NTAN1: variants seen among roughly 807,000 people sequenced by gnomAD.
NTAN1 encodes the protein protein N-terminal asparagine amidohydrolase.
In NTAN1, 32 loss-of-function variants were observed where a neutral mutation model predicts 41.9. The observed-to-expected ratio is 0.76, with a 90% CI of 0.58 to 1.03. NTAN1 has a LOEUF of 1.03. Among genes scored for constraint, NTAN1 ranks in the 50% least tolerant of loss-of-function variants. The pLI is 0.00. For synonymous variants in NTAN1, 140 were observed against 139.5 expected, an observed-to-expected ratio of 1.00 and a Z score of -0.03; for missense variants, 377 against 377.5, an observed-to-expected ratio of 1.00 and a Z score of 0.01.
intron 3 of NTAN1, 150 bp from the exon 4 acceptor site, chr16:15,047,700 C>G (rs2044131669): frequency 3.4e-6 from 3 of 895,460 alleles, no homozygotes; most frequent in Non-Finnish European, 5.6e-6. Flanking sequence ...CCAACCCATT[C>G]TGACCAGGAC....
intron 7 of NTAN1, 167 bp from the exon 8 acceptor site, chr16:15,040,233 A>G: frequency 2.3e-6 from 1 of 433,122 alleles, no homozygotes; most frequent in South Asian, 6.0e-5. Flanking sequence ...TGCAACCTTT[A>G]CCCCAAGCAT....
chr16:15,053,651 C>T (rs994781410), intron 1 of NTAN1, among the ~76,000 whole-genome samples: 2 of 152,054 alleles, frequency 1.3e-5, no homozygotes, highest in African/African-American at 2.4e-5. Flanking sequence ...TGGCTCACAC[C>T]GGTAATCCCA....
rs575519826 is a variant in NTAN1 at position 15,054,870 on chromosome 16, C to T, written c.81+1021G>A. 9.2e-5 allele frequency among the ~76,000 whole-genome samples: 14 copies of T among 152,324 alleles called. No individual in the cohort carries two copies. The South Asian group carries it at 2.3e-3, about 25-fold the overall frequency. ...GCAAACAAAATAATCACAAACTGTA[C>T]AGCTGTGACAGATGAAACCTCTAAA... On this transcript the variant is annotated intron_variant, in intron 1 of 9. Coordinates refer to ENST00000287706, the MANE Select transcript of NTAN1 (RefSeq NM_173474.4).
At chr16:15,044,630 G>A (rs2043971382) in intron 4 of NTAN1, 8 of 579,440 alleles carry the variant, frequency 1.4e-5, no homozygotes, top group South Asian at 2.2e-5. Context: ...GAGGGGATCC[G>A]TATCTGAACA....
Position 15,037,936 on chromosome 16 carries a change from G to C in NTAN1, c.*95C>G, listed in dbSNP as rs1394055740. 10 of 828,776 alleles carry C rather than the reference G, an allele frequency of 1.2e-5. No individual in the cohort carries two copies. Among genetic ancestry groups the C allele is most frequent in the Non-Finnish European group, 2.0e-5 (10 of 510,796 alleles). The allele number at this position is 828,776 out of a possible 1,614,324, so 51.3% of individuals were successfully genotyped here. ...ACACTGAGGAGGGAAGGAGGCCTAA[G>C]ACCCAACAGATGTAGGATCCAGATC... On this transcript the variant is annotated 3_prime_UTR_variant, in exon 10 of 10. Coordinates refer to ENST00000287706, the MANE Select transcript of NTAN1 (RefSeq NM_173474.4).
intron 4 of NTAN1, among the ~76,000 whole-genome samples, chr16:15,046,423 C>G (rs2044065735): frequency 6.6e-6 from 1 of 152,166 alleles, no homozygotes; most frequent in Non-Finnish European, 1.5e-5. Flanking sequence ...GACAGCAGGC[C>G]TGTGTCGTCG....
chr16:15,038,488 A>G, intron 9 of NTAN1, 86 bp downstream of exon 9: 1 of 776,790 alleles, frequency 1.3e-6, no homozygotes, highest in Non-Finnish European at 2.2e-6. Context: ...GAAAGCAGCT[A>G]TGACCTGGTC....
chr16:15,038,867 C>T (rs935296299), intron 8 of NTAN1, among the ~76,000 whole-genome samples, 180 bp from the exon 9 acceptor site: 1 of 152,212 alleles, frequency 6.6e-6, no homozygotes, highest in Non-Finnish European at 1.5e-5. Flanking sequence ...TGCTTCTGCA[C>T]ACTGTGGGGC....
rs764008930 is a variant in NTAN1 at position 15,041,129 on chromosome 16, A to G, written c.488-8T>C. 6.0e-6 allele frequency: 9 copies of G among 1,508,452 alleles called. No homozygotes were observed. The African/African-American group carries it at 1.2e-4, about 21-fold the overall frequency. 93.4% of individuals were successfully genotyped at this position (1,508,452 alleles called of 1,614,324 possible). A position where few individuals can be genotyped will look rare whatever the true frequency, so the allele number is the denominator to read the frequency against. ...CTTCCCGGTCATTTAATTCTACAAA[A>G]TAAGAATGTTTAAGATACACTTTTT... On this transcript the variant is annotated splice_polypyrimidine_tract_variant and splice_region_variant and intron_variant, in intron 6 of 9. Coordinates refer to ENST00000287706, the MANE Select transcript of NTAN1 (RefSeq NM_173474.4).
At chr16:15,038,373 C>T in intron 9 of NTAN1, 163 bp from the exon 10 acceptor site, 1 of 630,768 alleles carries the variant, frequency 1.6e-6, no homozygotes, top group Non-Finnish European at 2.8e-6. Flanking sequence ...TTGCTTACTG[C>T]TTTACCCACA....
intron 8 of NTAN1, 70 bp from the exon 9 acceptor site, chr16:15,038,757 A>C: frequency 1.2e-6 from 1 of 808,070 alleles, no homozygotes; most frequent in South Asian, 1.5e-5. Context: ...CCAGTAACGC[A>C]AGCTCCAGTG....
At chr16:15,053,504 G>C (rs1253212133) in intron 1 of NTAN1, among the ~76,000 whole-genome samples, 1 of 152,068 alleles carries the variant, frequency 6.6e-6, no homozygotes, top group Non-Finnish European at 1.5e-5. Context: ...TATATACAAA[G>C]AAAAACCTTC....
chr16:15,047,376 C>A (rs2044117323), intron 4 of NTAN1, 66 bp downstream of exon 4: 2 of 1,052,738 alleles, frequency 1.9e-6, no homozygotes, highest in Admixed American at 1.7e-5. Flanking sequence ...ACAGCTTCCA[C>A]AGCCACGTCC....
At chr16:15,038,255 T>TC (rs1216900558) in intron 9 of NTAN1, 45 bp from the exon 10 acceptor site, 1 of 1,339,146 alleles carries the variant, frequency 7.5e-7, no homozygotes, top group East Asian at 2.3e-5. Context: ...AACCTTACTG[T>TC]CCCCTGCTGT....
At chr16:15,048,200 G>A (rs565197838) in intron 1 of NTAN1, 101 bp from the exon 2 acceptor site, 36 of 740,650 alleles carry the variant, frequency 4.9e-5, no homozygotes, top group African/African-American at 4.4e-4. Context: ...TGGGCAGCAC[G>A]CTAGTGTGTG....
chr16:15,050,743 A>T (rs2044261510), intron 1 of NTAN1, among the ~76,000 whole-genome samples: 1 of 151,858 alleles, frequency 6.6e-6, no homozygotes, highest in Non-Finnish European at 1.5e-5. Flanking sequence ...AAAAAAAAAA[A>T]ATTAAGATTA....
chr16:15,051,771 G>C (rs1381742121), intron 1 of NTAN1, among the ~76,000 whole-genome samples: 1 of 145,964 alleles, frequency 6.9e-6, no homozygotes, highest in African/African-American at 2.6e-5. Context: ...CCAGATCATA[G>C]CTCACTGCAA....
intron 1 of NTAN1, among the ~76,000 whole-genome samples, chr16:15,053,400 G>C (rs1391720044): frequency 6.6e-6 from 1 of 152,198 alleles, no homozygotes. Flanking sequence ...GCTTCTAACT[G>C]TTGGTACTCC....
chr16:15,039,463 C>G (rs1721586934), intron 8 of NTAN1, among the ~76,000 whole-genome samples: 1 of 152,156 alleles, frequency 6.6e-6, no homozygotes, highest in African/African-American at 2.4e-5. Flanking sequence ...CTTGGGTTTT[C>G]AGTTTTCTAA....
Sources: allele counts gnomAD v4.1 joint callset (sites outside exome capture counted in the v4.1 genomes callset), GRCh38; gene constraint gnomAD v4.1.1; transcripts MANE v1.5; gene names NCBI Gene and HGNC (gene_info 2026-07-23, HGNC 2026-07-21).